Variants in LPP observed in about 807,000 individuals in gnomAD.
The protein encoded by LPP is lipoma-preferred partner.
A neutral mutation model predicts 60.4 loss-of-function variants in LPP; 38 were observed. The ratio of observed to expected loss-of-function variants is 0.63; its 90% CI spans 0.49 to 0.83. The LOEUF is 0.83. Ranked by LOEUF, LPP falls within the 40% of genes least tolerant of loss-of-function variation. LPP has a pLI of 0.00. For missense variants in LPP, 902 were observed against 783.6 expected (o/e 1.15, Z -1.80); for synonymous variants, 328 against 290.8 (o/e 1.13, Z -1.30).
Position 188,857,301 on chromosome 3 carries a change from C to T in LPP, c.1411-8899C>T, listed in dbSNP as rs796599472. ...TTATTAACTGCATTCTGAATAATTG[C>T]CTTTATACAGAATAACGGAGAAAGA... On this transcript the variant is annotated intron_variant, in intron 9 of 11. Coordinates refer to ENST00000617246, the MANE Select transcript of LPP (RefSeq NM_001375462.1). Among the ~76,000 whole-genome samples the T allele has an allele frequency of 2.0e-5, 3 of 152,100 alleles. No individual in the cohort carries two copies. In the South Asian group the frequency reaches 6.2e-4, roughly 32 times the overall value.
At chr3:188,448,277 C>T (rs898705248) in intron 4 of LPP, among the ~76,000 whole-genome samples, 5 of 137,056 alleles carry the variant, frequency 3.6e-5, no homozygotes, top group African/African-American at 1.3e-4. Flanking sequence ...TCCTTCACCC[C>T]GTCTTTGTAA....
At chr3:188,294,609 T>C (rs1369464454) in intron 2 of LPP, among the ~76,000 whole-genome samples, 2 of 152,196 alleles carry the variant, frequency 1.3e-5, no homozygotes, top group Admixed American at 1.3e-4. Flanking sequence ...TTATACTTTC[T>C]CAAATGTTGA....
At chr3:188,376,080 T>C (rs1186461145) in intron 3 of LPP, among the ~76,000 whole-genome samples, 2 of 152,078 alleles carry the variant, frequency 1.3e-5, no homozygotes, top group Admixed American at 6.5e-5. Flanking sequence ...CAGTTTGTTA[T>C]AATTTCTGTT....
intron 7 of LPP, among the ~76,000 whole-genome samples, chr3:188,645,566 G>T (rs1850956794): frequency 6.6e-6 from 1 of 152,102 alleles, no homozygotes; most frequent in Non-Finnish European, 1.5e-5. Context: ...TTTTCATTAG[G>T]AGACAAATGC....
chr3:188,528,044 G>A (rs1473146906), intron 6 of LPP, among the ~76,000 whole-genome samples: 1 of 152,184 alleles, frequency 6.6e-6, no homozygotes, highest in Non-Finnish European at 1.5e-5. Flanking sequence ...GTGTTTGTCA[G>A]GGAGTAGTTT....
chr3:188,543,283 C>G (rs1825700788), intron 6 of LPP, among the ~76,000 whole-genome samples: 1 of 152,046 alleles, frequency 6.6e-6, no homozygotes, highest in Non-Finnish European at 1.5e-5. Context: ...GAGCATCTCC[C>G]TATTAGTGCA....
chr3:188,317,473 G>A (rs1755424007), intron 2 of LPP, among the ~76,000 whole-genome samples: 1 of 152,142 alleles, frequency 6.6e-6, no homozygotes, highest in Non-Finnish European at 1.5e-5. Context: ...CTGTGACTTT[G>A]TGTCTCCTTC....
intron 6 of LPP, among the ~76,000 whole-genome samples, chr3:188,538,753 A>T (rs1824342475): frequency 6.6e-6 from 1 of 152,206 alleles, no homozygotes; most frequent in South Asian, 2.1e-4. Context: ...CATGATTCAT[A>T]ACAGCCTAAA....
intron 7 of LPP, among the ~76,000 whole-genome samples, chr3:188,702,999 G>A (rs758694329): frequency 6.6e-6 from 1 of 152,074 alleles, no homozygotes; most frequent in Admixed American, 6.5e-5. Flanking sequence ...CCTCTACAAG[G>A]TTGCTCACTT....
rs750488243 is a variant in LPP at position 188,757,889 on chromosome 3, G to GTTTTTTTTTTTTTTTTTTTTTTTTTT, written c.1241-2204_1241-2203insTTTTTTTTTTTTTTTTTTTTTTTTTT. Among the ~76,000 whole-genome samples the GTTTTTTTTTTTTTTTTTTTTTTTTTT allele has an allele frequency of 1.4e-4, 11 of 78,738 alleles. 1 individual carries two copies. Among genetic ancestry groups the GTTTTTTTTTTTTTTTTTTTTTTTTTT allele is most frequent in the African/African-American group, 3.1e-4 (6 of 19,440 alleles). 51.7% of individuals were successfully genotyped at this position (78,738 alleles called of 152,430 possible). A position where few individuals can be genotyped will look rare whatever the true frequency, so the allele number is the denominator to read the frequency against. ...TTTTTTTTGTGGTTTTGTTTTTTTG[G>GTTTTTTTTTTTTTTTTTTTTTTTTTT]TTTTTTTTTTTTTTTTTTTTCAGAA... On this transcript the variant is annotated intron_variant, in intron 8 of 11. Transcript: ENST00000617246.
chr3:188,447,359 C>T (rs1795463290), intron 4 of LPP, among the ~76,000 whole-genome samples: 1 of 152,128 alleles, frequency 6.6e-6, no homozygotes, highest in African/African-American at 2.4e-5. Flanking sequence ...CGCCTGTAAT[C>T]CCAGCACTTT....
At chr3:188,637,153 A>G (rs1003485576) in intron 7 of LPP, among the ~76,000 whole-genome samples, 6 of 151,674 alleles carry the variant, frequency 4.0e-5, no homozygotes, top group Non-Finnish European at 8.8e-5. Flanking sequence ...CAGAAATTAT[A>G]ACAAACTATC....
intron 7 of LPP, among the ~76,000 whole-genome samples, chr3:188,708,029 T>G (rs1221743996): frequency 6.6e-6 from 1 of 152,236 alleles, no homozygotes; most frequent in African/African-American, 2.4e-5. Context: ...TTCTTCCTAT[T>G]GTAAACATGG....
chr3:188,249,527 A>C (rs1207647082), intron 2 of LPP, among the ~76,000 whole-genome samples: 1 of 151,916 alleles, frequency 6.6e-6, no homozygotes, highest in African/African-American at 2.4e-5. Flanking sequence ...TGAAATAAAT[A>C]TATATATATG....
chr3:188,488,419 T>A (rs571611204), intron 5 of LPP, among the ~76,000 whole-genome samples: 2 of 152,306 alleles, frequency 1.3e-5, no homozygotes, highest in East Asian at 3.9e-4. Flanking sequence ...GGTTTGCTTT[T>A]CTGTCAGGAT....
chr3:188,858,250 C>T lies in LPP; in HGVS notation c.1411-7950C>T, dbSNP rs114301482. Among the ~76,000 whole-genome samples, 753 of 152,290 alleles carry T rather than the reference C, an allele frequency of 4.9e-3. 3 individuals are homozygous for T. Among genetic ancestry groups the T allele is most frequent in the African/African-American group, 0.017 (718 of 41,548 alleles). On this transcript the variant is annotated intron_variant, in intron 9 of 11. Coordinates refer to ENST00000617246, the MANE Select transcript of LPP (RefSeq NM_001375462.1). ...AAAGGAACTCAATTCTTTTCTTTCT[C>T]TCTCACCATAGTCTTAGTCTTCTCT...
chr3:188,636,555 C>T (rs1018431379), intron 7 of LPP, among the ~76,000 whole-genome samples: 4 of 152,192 alleles, frequency 2.6e-5, no homozygotes, highest in African/African-American at 4.8e-5. Context: ...GAGCCCACCA[C>T]AGCTCAAGGA....
chr3:188,362,601 T>C (rs1336543093), intron 3 of LPP, among the ~76,000 whole-genome samples: 3 of 152,198 alleles, frequency 2.0e-5, no homozygotes, highest in Non-Finnish European at 2.9e-5. Context: ...CTGTAGTGAT[T>C]AGATCGACGT....
At chr3:188,375,682 G>A (rs1774839215) in intron 3 of LPP, among the ~76,000 whole-genome samples, 1 of 151,970 alleles carries the variant, frequency 6.6e-6, no homozygotes. Context: ...ATTTTTTGAA[G>A]GGTTTTTTTG....
Sources: gnomAD v4.1 joint callset for allele counts (sites outside exome capture counted in the v4.1 genomes callset) on GRCh38, gnomAD v4.1.1 for gene constraint, MANE v1.5 for transcripts, NCBI Gene and HGNC (gene_info 2026-07-23, HGNC 2026-07-21) for gene names.